Variants in DAB1 observed in about 807,000 individuals in gnomAD.
DAB1 encodes DAB adaptor protein 1.
DAB1 carries 15 observed loss-of-function variants against 64.6 expected under a neutral mutation model. The observed-to-expected ratio is 0.23, with a 90% CI of 0.16 to 0.36. The LOEUF is 0.36. Among genes scored for constraint, DAB1 ranks in the 10% least tolerant of loss-of-function variants. DAB1 has a pLI of 1.00. For synonymous variants in DAB1, 235 were observed against 251.9 expected (o/e 0.93, Z 0.64); for missense variants, 596 against 706.7 (o/e 0.84, Z 1.78).
chr1:57,600,655 C>T (rs981180164), intron 7 of DAB1, among the ~76,000 whole-genome samples: 3 of 152,074 alleles, frequency 2.0e-5, no homozygotes, highest in Admixed American at 2.0e-4. Context: ...AAAGCCAGTG[C>T]CTTCCTTTCC....
chr1:57,889,905 G>T (rs777557782), intron 5 of DAB1, among the ~76,000 whole-genome samples: 3,260 of 128,646 alleles, frequency 0.025, 252 homozygotes, highest in Middle Eastern at 0.052. Flanking sequence ...GGGGCGGGGG[G>T]GGGGGAGGGG....
chr1:57,957,680 G>A (rs1161270010), intron 5 of DAB1, among the ~76,000 whole-genome samples: 1 of 152,206 alleles, frequency 6.6e-6, no homozygotes, highest in East Asian at 1.9e-4. Flanking sequence ...GAAAAATGAG[G>A]AAGAGCCAGT....
At chr1:58,537,358 C>G (rs1646533984) in intron 1 of DAB1, among the ~76,000 whole-genome samples, 1 of 152,120 alleles carries the variant, frequency 6.6e-6, no homozygotes, top group South Asian at 2.1e-4. Flanking sequence ...AGTGATTCCA[C>G]AAGGTACAAG....
chr1:57,563,431 AGACAGTGGGTGCAG>A (rs538617138), intron 7 of DAB1, among the ~76,000 whole-genome samples: 167 of 152,246 alleles, frequency 1.1e-3, no homozygotes, highest in African/African-American at 3.7e-3. Flanking sequence ...GGGGCTTGTC[AGACAGTGGGTGCAG>A]GACAGTGGGT....
chr1:57,355,657 G>A (rs766629907), intron 1 of DAB1, among the ~76,000 whole-genome samples: 13 of 151,980 alleles, frequency 8.6e-5, no homozygotes, highest in Admixed American at 2.6e-4. Context: ...GCAAAAGATC[G>A]TGGTATTTCG....
At chr1:58,258,459 A>G (rs1293016468) in intron 4 of DAB1, among the ~76,000 whole-genome samples, 1 of 152,204 alleles carries the variant, frequency 6.6e-6, no homozygotes, top group African/African-American at 2.4e-5. Flanking sequence ...TGAGGGTTCT[A>G]ATTCCAGCTC....
intron 5 of DAB1, among the ~76,000 whole-genome samples, chr1:58,025,647 GTGTGTA>G (rs1481773678): frequency 3.1e-5 from 2 of 63,978 alleles, no homozygotes; most frequent in African/African-American, 9.9e-5. Context: ...ATATATATAT[GTGTGTA>G]TATATATATA....
intron 2 of DAB1, among the ~76,000 whole-genome samples, chr1:57,201,747 G>A (rs952498864): frequency 3.3e-5 from 5 of 152,046 alleles, no homozygotes; most frequent in African/African-American, 4.8e-5. Context: ...ATCATTAGCT[G>A]GATGTCTTTC....
At chr1:57,609,621 T>C (rs543109741) in intron 7 of DAB1, among the ~76,000 whole-genome samples, 1 of 152,330 alleles carries the variant, frequency 6.6e-6, no homozygotes, top group South Asian at 2.1e-4. Flanking sequence ...CCCGGTTTCC[T>C]CATCTGAAAA....
chr1:58,475,901 C>T (rs763762045), intron 3 of DAB1, among the ~76,000 whole-genome samples: 1 of 152,008 alleles, frequency 6.6e-6, no homozygotes, highest in Non-Finnish European at 1.5e-5. Context: ...TATTTCTGTG[C>T]AAAAGCAATA....
At chr1:58,266,538 A>G (rs1387429209) in intron 4 of DAB1, among the ~76,000 whole-genome samples, 1 of 152,188 alleles carries the variant, frequency 6.6e-6, no homozygotes, top group Non-Finnish European at 1.5e-5. Context: ...TTTCTCATTC[A>G]TAAAGTAAAG....
chr1:57,776,040 T>C (rs1177850692), intron 6 of DAB1, among the ~76,000 whole-genome samples: 1 of 151,816 alleles, frequency 6.6e-6, no homozygotes, highest in African/African-American at 2.4e-5. Flanking sequence ...TTTTTTATGA[T>C]TGGCATATTC....
intron 7 of DAB1, among the ~76,000 whole-genome samples, chr1:57,544,845 C>T (rs1644839078): frequency 6.6e-6 from 1 of 152,318 alleles, no homozygotes; most frequent in East Asian, 1.9e-4. Flanking sequence ...TGTTTGCTTC[C>T]CTTTCCACCC....
At chr1:57,385,776 A>T (rs1681760327) in intron 1 of DAB1, among the ~76,000 whole-genome samples, 1 of 152,214 alleles carries the variant, frequency 6.6e-6, no homozygotes, top group African/African-American at 2.4e-5. Flanking sequence ...TGGTAGTGTT[A>T]CTCATTAAAA....
chr1:58,489,888 G>C (rs1208790105), intron 3 of DAB1, among the ~76,000 whole-genome samples: 1 of 152,310 alleles, frequency 6.6e-6, no homozygotes, highest in East Asian at 1.9e-4. Flanking sequence ...GGTCCTGACT[G>C]TTAGAAGGAA....
intron 2 of DAB1, among the ~76,000 whole-genome samples, chr1:57,156,800 C>G (rs774735767): frequency 2.0e-5 from 3 of 152,210 alleles, no homozygotes; most frequent in Non-Finnish European, 4.4e-5. Context: ...GGGAATGGCT[C>G]TCCTCTGAAT....
intron 9 of DAB1, among the ~76,000 whole-genome samples, chr1:57,032,437 A>T (rs537317283): frequency 6.6e-6 from 1 of 152,172 alleles, no homozygotes; most frequent in Non-Finnish European, 1.5e-5. Context: ...TCAGGGTCTG[A>T]CATGTGCTCC....
At chr1:58,465,531 A>G (rs998756262) in intron 3 of DAB1, among the ~76,000 whole-genome samples, 2 of 152,178 alleles carry the variant, frequency 1.3e-5, no homozygotes, top group African/African-American at 4.8e-5. Flanking sequence ...GAGGACCCCA[A>G]ACCAAGCCTC....
chr1:57,459,250 G>T (rs1686702261), intron 7 of DAB1, among the ~76,000 whole-genome samples: 2 of 151,940 alleles, frequency 1.3e-5, no homozygotes, highest in African/African-American at 4.8e-5. Context: ...ACTTGGAAAG[G>T]TATCACCAAT....
Sources: gnomAD v4.1 joint callset for allele counts (sites outside exome capture counted in the v4.1 genomes callset) on GRCh38, gnomAD v4.1.1 for gene constraint, MANE v1.5 for transcripts, NCBI Gene and HGNC (gene_info 2026-07-23, HGNC 2026-07-21) for gene names.